Variants in ARHGAP15 observed in about 807,000 individuals in gnomAD.
ARHGAP15 encodes the protein Rho GTPase activating protein 15, also known as rho GTPase-activating protein 15.
In ARHGAP15, 51 loss-of-function variants were observed where a neutral mutation model predicts 63.7. The ratio of observed to expected loss-of-function variants is 0.80; its 90% CI spans 0.64 to 1.01. ARHGAP15 has a LOEUF of 1.01. Among genes scored for constraint, ARHGAP15 ranks in the 50% least tolerant of loss-of-function variants. The probability of loss-of-function intolerance (pLI) is 0.00; values close to 1 mark genes in which losing one functional copy is unlikely to be tolerated. For synonymous variants in ARHGAP15, 191 were observed against 193.8 expected (o/e 0.99, Z 0.12); for missense variants, 560 against 564.6 (o/e 0.99, Z 0.08).
intron 2 of ARHGAP15, among the ~76,000 whole-genome samples, chr2:143,171,026 G>A (rs1171490699): frequency 6.6e-6 from 1 of 151,878 alleles, no homozygotes; most frequent in Non-Finnish European, 1.5e-5. Context: ...CTAATTTCTG[G>A]AGAAAACATT....
chr2:143,618,833 C>CT (rs70982875), intron 11 of ARHGAP15, among the ~76,000 whole-genome samples: 37,971 of 148,650 alleles, frequency 0.26, 4,881 homozygotes, highest in Admixed American at 0.33. Flanking sequence ...GGGTAAACTC[C>CT]TTTTTTTTTT....
chr2:143,737,333 T>A (rs1408786317), intron 13 of ARHGAP15, among the ~76,000 whole-genome samples: 1 of 152,256 alleles, frequency 6.6e-6, no homozygotes, highest in Non-Finnish European at 1.5e-5. Flanking sequence ...TTTCTAAACA[T>A]CCTTCAGTAG....
At chr2:143,346,220 T>TCTCACACACACACTCTCTCTCTCA (rs201454435) in intron 6 of ARHGAP15, among the ~76,000 whole-genome samples, 60 of 125,008 alleles carry the variant, frequency 4.8e-4, no homozygotes, top group African/African-American at 6.8e-4. Flanking sequence ...ACACTCTCTC[T>TCTCACACACACACTCTCTCTCTCA]CACACACACT....
intron 10 of ARHGAP15, among the ~76,000 whole-genome samples, chr2:143,544,601 C>T (rs1695245645): frequency 6.6e-6 from 1 of 152,088 alleles, no homozygotes; most frequent in Non-Finnish European, 1.5e-5. Flanking sequence ...CATTTTAGTG[C>T]GTGTTATGGC....
chr2:143,270,695 T>C (rs1681234660), intron 6 of ARHGAP15, among the ~76,000 whole-genome samples: 1 of 152,176 alleles, frequency 6.6e-6, no homozygotes, highest in African/African-American at 2.4e-5. Context: ...ATTTTAAACA[T>C]ATAATTTATT....
intron 6 of ARHGAP15, among the ~76,000 whole-genome samples, chr2:143,397,323 T>C (rs1412539485): frequency 2.5e-4 from 36 of 146,842 alleles, no homozygotes; most frequent in Middle Eastern, 3.5e-3. Context: ...TGTATGTGTG[T>C]GTGTGTGTGT....
intron 12 of ARHGAP15, among the ~76,000 whole-genome samples, chr2:143,662,205 G>A (rs1278469045): frequency 2.0e-5 from 3 of 152,130 alleles, no homozygotes; most frequent in Non-Finnish European, 4.4e-5. Flanking sequence ...CTCCCAGCAT[G>A]CAGCTGGAGA....
intron 12 of ARHGAP15, among the ~76,000 whole-genome samples, chr2:143,676,829 G>A (rs1682849077): frequency 6.6e-6 from 1 of 152,138 alleles, no homozygotes; most frequent in African/African-American, 2.4e-5. Flanking sequence ...CTGGGAAAAA[G>A]GTGCCAACAG....
intron 9 of ARHGAP15, among the ~76,000 whole-genome samples, chr2:143,503,159 T>C (rs984308696): frequency 1.3e-5 from 2 of 152,242 alleles, no homozygotes; most frequent in Non-Finnish European, 2.9e-5. Context: ...AGAAAATATG[T>C]AGTGCGTTCT....
chr2:143,420,915 A>G (rs58048869), intron 6 of ARHGAP15, among the ~76,000 whole-genome samples: 7,844 of 152,286 alleles, frequency 0.052, 278 homozygotes, highest in East Asian at 0.14. Context: ...TTTCGCTCCC[A>G]TCACACAGAC....
chr2:143,505,890 C>T (rs979727595), intron 9 of ARHGAP15, among the ~76,000 whole-genome samples: 2 of 152,206 alleles, frequency 1.3e-5, no homozygotes, highest in Non-Finnish European at 2.9e-5. Context: ...GTGCTTTCCT[C>T]TTAGGTGCTT....
intron 5 of ARHGAP15, among the ~76,000 whole-genome samples, chr2:143,235,391 A>G (rs574238704): frequency 8.1e-4 from 124 of 152,250 alleles, no homozygotes; most frequent in African/African-American, 2.9e-3. Flanking sequence ...GAACAATGGC[A>G]TAAAACTGAG....
chr2:143,298,581 A>C (rs569484932), intron 6 of ARHGAP15, among the ~76,000 whole-genome samples: 14 of 151,962 alleles, frequency 9.2e-5, no homozygotes, highest in Non-Finnish European at 1.9e-4. Context: ...TTTGAATCTC[A>C]TTTGAGCAAA....
At chr2:143,674,424 A>C (rs1041726250) in intron 12 of ARHGAP15, among the ~76,000 whole-genome samples, 2 of 152,218 alleles carry the variant, frequency 1.3e-5, no homozygotes, top group Admixed American at 1.3e-4. Flanking sequence ...AGAATAAGTG[A>C]AATTAATCTA....
intron 10 of ARHGAP15, among the ~76,000 whole-genome samples, chr2:143,544,288 A>G (rs1335532397): frequency 6.6e-6 from 1 of 152,166 alleles, no homozygotes; most frequent in East Asian, 1.9e-4. Context: ...TAAATTAGAG[A>G]TACAAAATAC....
chr2:143,461,252 C>G, intron 8 of ARHGAP15, among the ~76,000 whole-genome samples: 1 of 121,280 alleles, frequency 8.2e-6, no homozygotes, highest in East Asian at 2.5e-4. Flanking sequence ...TGCATTCTAG[C>G]CTGGGCTACA....
At chr2:143,280,907 C>A (rs941501846) in intron 6 of ARHGAP15, among the ~76,000 whole-genome samples, 1 of 151,908 alleles carries the variant, frequency 6.6e-6, no homozygotes, top group East Asian at 1.9e-4. Context: ...AAAGAGATGA[C>A]AAATGCAAAA....
intron 9 of ARHGAP15, among the ~76,000 whole-genome samples, chr2:143,512,756 G>T (rs1426355820): frequency 2.6e-5 from 4 of 152,240 alleles, no homozygotes; most frequent in African/African-American, 7.2e-5. Context: ...CCATGGCAAG[G>T]ATACAGAGTG....
At chr2:143,208,621 G>A (rs1385403161) in intron 3 of ARHGAP15, among the ~76,000 whole-genome samples, 2 of 152,132 alleles carry the variant, frequency 1.3e-5, no homozygotes, top group African/African-American at 4.8e-5. Flanking sequence ...GAGAATCGGT[G>A]TGGTTGCTTA....
Sources: gnomAD v4.1 joint callset for allele counts (sites outside exome capture counted in the v4.1 genomes callset) on GRCh38, gnomAD v4.1.1 for gene constraint, MANE v1.5 for transcripts, NCBI Gene and HGNC (gene_info 2026-07-23, HGNC 2026-07-21) for gene names.